The following PDGFC variants were observed in gnomAD, a reference collection of about 807,000 sequenced individuals.
PDGFC encodes platelet derived growth factor C, also known as platelet-derived growth factor C.
PDGFC carries 12 observed loss-of-function variants against 35.5 expected under a neutral mutation model. The ratio of observed to expected loss-of-function variants is 0.34; its 90% CI spans 0.22 to 0.55. The LOEUF (loss-of-function observed/expected upper bound fraction) is 0.55. Among genes scored for constraint, PDGFC ranks in the 20% least tolerant of loss-of-function variants. The probability of loss-of-function intolerance (pLI) is 0.91; values close to 1 mark genes in which losing one functional copy is unlikely to be tolerated. For synonymous variants in PDGFC, 159 were observed against 148.8 expected, an observed-to-expected ratio of 1.07 and a Z score of -0.50; for missense variants, 322 against 412.4, an observed-to-expected ratio of 0.78 and a Z score of 1.90.
At chr4:156,792,152 G>A (rs1440027557) in intron 3 of PDGFC, among the ~76,000 whole-genome samples, 1 of 152,154 alleles carries the variant, frequency 6.6e-6, no homozygotes, top group African/African-American at 2.4e-5. Context: ...AATTCTTAAT[G>A]TTCTAAATTC....
intron 1 of PDGFC, among the ~76,000 whole-genome samples, chr4:156,949,531 T>C (rs1197887351): frequency 1.3e-5 from 2 of 151,862 alleles, no homozygotes; most frequent in African/African-American, 4.8e-5. Flanking sequence ...AGGAAATTAT[T>C]AATGAAGGGT....
Position 156,826,174 on chromosome 4 carries a change from A to ATTTTTTTT in PDGFC, c.315-15165_315-15158dup, listed in dbSNP as rs59421806. 3.0e-3 allele frequency among the ~76,000 whole-genome samples: 131 copies of ATTTTTTTT among 43,788 alleles called. 21 individuals carry two copies. The highest frequency in any genetic ancestry group is 5.4e-3 in the Admixed American group (11 of 2,032). 28.7% of individuals were successfully genotyped at this position (43,788 alleles called of 152,430 possible). ...GCCACCATATCCAGCTTTGAGTTGG[A>ATTTTTTTT]TTTTTTTTTTTTTTTTTTTTTTTTT... On this transcript the variant is annotated intron_variant, in intron 2 of 5. Coordinates refer to ENST00000502773, the MANE Select transcript of PDGFC (RefSeq NM_016205.3).
chr4:156,925,589 T>C (rs1368120858), intron 1 of PDGFC, among the ~76,000 whole-genome samples: 1 of 152,082 alleles, frequency 6.6e-6, no homozygotes, highest in Non-Finnish European at 1.5e-5. Flanking sequence ...GAAATTAAGA[T>C]GCCTATGAGA....
At chr4:156,766,077 T>C (rs2110791364) in intron 5 of PDGFC, among the ~76,000 whole-genome samples, 1 of 152,224 alleles carries the variant, frequency 6.6e-6, no homozygotes, top group African/African-American at 2.4e-5. Context: ...TTCTCAAGCA[T>C]TACACTGCAA....
intron 1 of PDGFC, among the ~76,000 whole-genome samples, chr4:156,964,965 C>T (rs1281748564): frequency 6.6e-6 from 1 of 152,192 alleles, no homozygotes; most frequent in Admixed American, 6.5e-5. Context: ...TGGTCTGCAT[C>T]ACATGACAGT....
chr4:156,887,420 C>T (rs1730401296), intron 1 of PDGFC, among the ~76,000 whole-genome samples: 1 of 152,030 alleles, frequency 6.6e-6, no homozygotes, highest in Non-Finnish European at 1.5e-5. Context: ...ACTGGTTATG[C>T]ATGTTTTCAT....
intron 2 of PDGFC, among the ~76,000 whole-genome samples, chr4:156,815,595 A>G (rs1579027633): frequency 6.6e-6 from 1 of 152,202 alleles, no homozygotes; most frequent in East Asian, 1.9e-4. Context: ...AGAGAAAACA[A>G]TGATGAAAAA....
In PDGFC at chr4:156,970,977, C is replaced by T. The variant is rs1732579409; in HGVS notation, c.-74G>A. Reference sequence around the variant, plus strand: ...GCGACTCCCGAGTCTCTTTCACCACCGCCAGGGGAAGGCTGCACTGGGGTG... The same window carrying T: ...GCGACTCCCGAGTCTCTTTCACCACTGCCAGGGGAAGGCTGCACTGGGGTG... On this transcript the variant is annotated 5_prime_UTR_variant, in exon 1 of 6. Transcript: ENST00000502773. 4 of 939,218 alleles carry T rather than the reference C, an allele frequency of 4.3e-6. No homozygotes were observed. The highest frequency in any genetic ancestry group is 2.7e-5 in the South Asian group (2 of 72,786). 58.2% of individuals were successfully genotyped at this position (939,218 alleles called of 1,614,324 possible). A position where few individuals can be genotyped will look rare whatever the true frequency, so the allele number is the denominator to read the frequency against.
At chr4:156,860,318 T>C (rs1271785398) in intron 1 of PDGFC, among the ~76,000 whole-genome samples, 1 of 152,164 alleles carries the variant, frequency 6.6e-6, no homozygotes, top group Non-Finnish European at 1.5e-5. Flanking sequence ...TTATGGCATT[T>C]GCACTGTTTA....
At chr4:156,908,756 T>C (rs1730975313) in intron 1 of PDGFC, among the ~76,000 whole-genome samples, 1 of 152,124 alleles carries the variant, frequency 6.6e-6, no homozygotes, top group Admixed American at 6.6e-5. Context: ...GTGCTTGAAA[T>C]TATAGTTCAA....
At chr4:156,964,784 T>C (rs547908715) in intron 1 of PDGFC, among the ~76,000 whole-genome samples, 8 of 152,256 alleles carry the variant, frequency 5.3e-5, no homozygotes, top group Admixed American at 5.2e-4. Context: ...TAGGCCTCAA[T>C]CTGCACATCA....
intron 1 of PDGFC, among the ~76,000 whole-genome samples, chr4:156,855,199 T>C (rs1206631496): frequency 1.3e-5 from 2 of 152,102 alleles, no homozygotes; most frequent in Non-Finnish European, 2.9e-5. Context: ...TTACATACTC[T>C]TGGTTCCTTT....
At chr4:156,962,501 G>A (rs899502937) in intron 1 of PDGFC, among the ~76,000 whole-genome samples, 3 of 152,308 alleles carry the variant, frequency 2.0e-5, no homozygotes, top group African/African-American at 7.2e-5. Flanking sequence ...GTAAAAGGAA[G>A]GATCTGCCAT....
chr4:156,945,562 GA>G (rs1214974176), intron 1 of PDGFC, among the ~76,000 whole-genome samples: 4 of 151,542 alleles, frequency 2.6e-5, no homozygotes, highest in African/African-American at 9.7e-5. Flanking sequence ...ATGAATTTGT[GA>G]ATTAAAGAGA....
chr4:156,888,780 G>A (rs1730435327), intron 1 of PDGFC, among the ~76,000 whole-genome samples: 2 of 151,912 alleles, frequency 1.3e-5, no homozygotes, highest in African/African-American at 2.4e-5. Context: ...TTACCAATTG[G>A]TGTGCAAACC....
intron 1 of PDGFC, among the ~76,000 whole-genome samples, chr4:156,951,773 A>C (rs1377592105): frequency 6.6e-6 from 1 of 151,494 alleles, no homozygotes. Flanking sequence ...TCTTTGAAAG[A>C]CTTCATTGCA....
intron 2 of PDGFC, among the ~76,000 whole-genome samples, chr4:156,837,386 T>C (rs1208629231): frequency 2.0e-5 from 3 of 151,728 alleles, no homozygotes; most frequent in Non-Finnish European, 2.9e-5. Flanking sequence ...TCAGTAATAA[T>C]AACAATAATG....
intron 1 of PDGFC, among the ~76,000 whole-genome samples, chr4:156,867,790 A>C (rs1287711839): frequency 1.3e-5 from 2 of 152,234 alleles, no homozygotes; most frequent in Admixed American, 1.3e-4. Flanking sequence ...AACCCCAAAC[A>C]AAGGAATTGA....
chr4:156,777,207 A>G (rs1325270770), intron 3 of PDGFC, among the ~76,000 whole-genome samples: 1 of 152,188 alleles, frequency 6.6e-6, no homozygotes, highest in Non-Finnish European at 1.5e-5. Flanking sequence ...TATCCTAGAA[A>G]GGCATGTCTG....
Sources: gnomAD v4.1 joint callset for allele counts (sites outside exome capture counted in the v4.1 genomes callset) on GRCh38, gnomAD v4.1.1 for gene constraint, MANE v1.5 for transcripts, NCBI Gene and HGNC (gene_info 2026-07-23, HGNC 2026-07-21) for gene names.